HELLS: variants seen among roughly 807,000 people sequenced by gnomAD.
HELLS encodes lymphoid-specific helicase.
A neutral mutation model predicts 120.0 loss-of-function variants in HELLS; 32 were observed. That is an observed-to-expected ratio of 0.27 (90% CI 0.20 to 0.36). HELLS has a LOEUF of 0.36. Among genes scored for constraint, HELLS ranks in the 10% least tolerant of loss-of-function variants. The pLI is 1.00. For synonymous variants in HELLS, 341 were observed against 323.4 expected (o/e 1.05, Z -0.58); for missense variants, 650 against 993.4 (o/e 0.65, Z 4.65).
chr10:94,569,980 C>G (rs1844054878), intron 6 of HELLS: 1 of 151,904 alleles, frequency 6.6e-6, no homozygotes, highest in Admixed American at 6.6e-5. Flanking sequence ...TTCCTGTTAA[C>G]TATAGTAACT....
At chr10:94,557,727 T>A (rs976764230) in intron 3 of HELLS, among the ~76,000 whole-genome samples, 8 of 152,208 alleles carry the variant, frequency 5.3e-5, no homozygotes, top group African/African-American at 1.9e-4. Flanking sequence ...TACTTGACCC[T>A]GGGAATGCTA....
chr10:94,566,659 T>G (rs1046569963), intron 6 of HELLS, among the ~76,000 whole-genome samples: 8 of 151,940 alleles, frequency 5.3e-5, no homozygotes, highest in Non-Finnish European at 1.2e-4. Flanking sequence ...CTTTTCTTTT[T>G]TTTTTTTTAA....
intron 3 of HELLS, among the ~76,000 whole-genome samples, chr10:94,556,599 T>A (rs765370617): frequency 6.6e-6 from 1 of 152,176 alleles, no homozygotes; most frequent in Non-Finnish European, 1.5e-5. Context: ...TATTTATAAT[T>A]CTTCTCGCCC....
chr10:94,593,612 T>C lies in HELLS; in HGVS notation c.2085T>C (p.Asp695=). The change falls in exon 18 of 22, where the codon GAT becomes GAC. Residue 695 remains aspartate (D), a synonymous_variant. Transcript: ENST00000348459. ...AADTVIIYDS[D]WNPQSDLQAQ... is the part of the protein sequence containing the mutation. ...ATACAGTTATCATTTATGATAGTGATTGGGTAAGTTGGAAGTATAGCAAGG... is the reference window on the plus strand; with the variant it reads ...ATACAGTTATCATTTATGATAGTGACTGGGTAAGTTGGAAGTATAGCAAGG... 1.3e-6 allele frequency: 2 copies of C among 1,549,994 alleles called. No homozygotes were observed. The highest frequency in any genetic ancestry group is 1.8e-6 in the Non-Finnish European group (2 of 1,121,604).
At chr10:94,607,430 C>G (rs1185996620) in intron 8 of HELLS, among the ~76,000 whole-genome samples, 1 of 152,148 alleles carries the variant, frequency 6.6e-6, no homozygotes, top group African/African-American at 2.4e-5. Flanking sequence ...TAGTAAGGGA[C>G]AGAGGGGAAT....
intron 15 of HELLS, among the ~76,000 whole-genome samples, chr10:94,591,255 C>A (rs944356330): frequency 6.6e-6 from 1 of 152,178 alleles, no homozygotes; most frequent in Non-Finnish European, 1.5e-5. Flanking sequence ...GTCATCTTTT[C>A]ACTATTTCTT....
downstream of HELLS, among the ~76,000 whole-genome samples, chr10:94,603,960 T>G (rs1198047636): frequency 6.6e-6 from 1 of 152,110 alleles, no homozygotes; most frequent in African/African-American, 2.4e-5. Context: ...CCTGAGCAGC[T>G]GGGGTTACAG....
At chr10:94,593,267 C>T (rs560759908) in intron 17 of HELLS, among the ~76,000 whole-genome samples, 1 of 152,260 alleles carries the variant, frequency 6.6e-6, no homozygotes, top group East Asian at 1.9e-4. Flanking sequence ...CTTATTTAAA[C>T]ATTGTTGTGA....
chr10:94,583,955 T>G, intron 12 of HELLS: 1 of 528,214 alleles, frequency 1.9e-6, no homozygotes, highest in Middle Eastern at 4.4e-4. Context: ...TATTTAAAAC[T>G]ACACCTTTGC....
At position 94,588,396 on chromosome 10, in the gene HELLS, G is replaced by A. The variant is rs142213941; in HGVS notation, c.1488+6G>A. 935 of 1,568,154 alleles carry A rather than the reference G, an allele frequency of 6.0e-4. 11 individuals are homozygous for A. The East Asian group carries it at 0.017, about 29-fold the overall frequency. On this transcript the variant is annotated splice_donor_region_variant and intron_variant, in intron 13 of 21. Coordinates refer to ENST00000348459, the MANE Select transcript of HELLS (RefSeq NM_018063.5). The stretch of plus-strand genomic sequence containing the variant: ...ACATGTTTGGATCCAGTGAGGTATA[G>A]TGGTTTTGAAATGTACTGTAAATGA...
At position 94,594,706 on chromosome 10, in the gene HELLS, G is replaced by A. The variant is rs779718210; in HGVS notation, c.2100G>A (p.Ser700=). Residue 700 remains serine (S), a synonymous_variant, in exon 19 of 22, where the codon TCG becomes TCA. Coordinates refer to ENST00000348459, the MANE Select transcript of HELLS (RefSeq NM_018063.5). ...TTTTTAACTTTAAGAACCCCCAGTC[G>A]GATCTTCAGGCCCAGGATAGATGTC... ...IIYDSDWNPQ[S]DLQAQDRCHR... 3.1e-6 allele frequency: 5 copies of A among 1,604,048 alleles called. No homozygotes were observed. Among genetic ancestry groups the A allele is most frequent in the Admixed American group, 1.7e-5 (1 of 57,492 alleles).
chr10:94,586,421 G>A (rs1002836628), intron 12 of HELLS, among the ~76,000 whole-genome samples: 4 of 152,042 alleles, frequency 2.6e-5, no homozygotes, highest in Non-Finnish European at 5.9e-5. Flanking sequence ...GCGCCCGGCC[G>A]GACATGTTTT....
At chr10:94,549,022 T>C (rs1478603423) in intron 2 of HELLS, among the ~76,000 whole-genome samples, 1 of 151,804 alleles carries the variant, frequency 6.6e-6, no homozygotes, top group Non-Finnish European at 1.5e-5. Context: ...CCGTTTTCAA[T>C]CTTAATATAA....
chr10:94,601,039 A>T (rs1846011823), intron 21 of HELLS, among the ~76,000 whole-genome samples: 1 of 152,214 alleles, frequency 6.6e-6, no homozygotes, highest in Admixed American at 6.5e-5. Flanking sequence ...TCAGTAATAC[A>T]AATGAAAATC....
At position 94,546,393 on chromosome 10, in the gene HELLS, A is replaced by G. The variant is rs749658318; in HGVS notation, c.48A>G (p.Ala16=). The G allele has an allele frequency of 1.2e-6, 2 of 1,614,186 alleles. No homozygotes were observed. The highest frequency in any genetic ancestry group is 8.5e-7 in the Non-Finnish European group (1 of 1,180,040). ...PAGSGGSEAP[A]MVEQLDTAVI... ...CCCCGTCAGGCTCGGAGGCTCCAGCAATGGTTGAACAACTGGACACTGCTG... is the reference window on the plus strand; with the variant it reads ...CCCCGTCAGGCTCGGAGGCTCCAGCGATGGTTGAACAACTGGACACTGCTG... The change falls in exon 2 of 22, where the codon GCA becomes GCG. Residue 16 remains alanine (A), a synonymous_variant. Coordinates refer to ENST00000348459, the MANE Select transcript of HELLS (RefSeq NM_018063.5).
At chr10:94,589,671 TCCC>T (rs886442045) in intron 13 of HELLS, among the ~76,000 whole-genome samples, 1 of 140,776 alleles carries the variant, frequency 7.1e-6, no homozygotes, top group African/African-American at 2.7e-5. Context: ...CAGACTCTTC[TCCC>T]CCCGACTTTT....
chr10:94,601,295 A>C lies in HELLS; in HGVS notation c.2423-233A>C, dbSNP rs544679736. Among the ~76,000 whole-genome samples, 29 of 152,286 alleles carry C rather than the reference A, an allele frequency of 1.9e-4. No homozygotes were observed. In the South Asian group the frequency reaches 6.0e-3, roughly 32 times the overall value. Reference sequence around the variant, plus strand: ...ATTTTGACTAGCAAACTGATGCTTTAGATTGTATGCTCCCAAGAGTCTGAT... The same window carrying C: ...ATTTTGACTAGCAAACTGATGCTTTCGATTGTATGCTCCCAAGAGTCTGAT... On this transcript the variant is annotated intron_variant, in intron 21 of 21. Coordinates refer to ENST00000348459, the MANE Select transcript of HELLS (RefSeq NM_018063.5).
chr10:94,549,670 C>T (rs987426732), intron 2 of HELLS, among the ~76,000 whole-genome samples: 1 of 152,094 alleles, frequency 6.6e-6, no homozygotes, highest in Non-Finnish European at 1.5e-5. Context: ...CCCTCGGTGT[C>T]CATTGGCATA....
chr10:94,604,316 G>C (rs760006679), downstream of HELLS, among the ~76,000 whole-genome samples: 1 of 151,842 alleles, frequency 6.6e-6, no homozygotes, highest in Non-Finnish European at 1.5e-5. Flanking sequence ...GTAGAAACGT[G>C]GTTTCACCAT....
Sources: gnomAD v4.1 joint callset for allele counts (sites outside exome capture counted in the v4.1 genomes callset) on GRCh38, gnomAD v4.1.1 for gene constraint, MANE v1.5 for transcripts, NCBI Gene and HGNC (gene_info 2026-07-23, HGNC 2026-07-21) for gene names.